SLC24A3: variants seen among roughly 807,000 people sequenced by gnomAD.
The protein encoded by SLC24A3 is solute carrier family 24 member 3.
In SLC24A3, 28 loss-of-function variants were observed where a neutral mutation model predicts 75.8. The ratio of observed to expected loss-of-function variants is 0.37; its 90% CI spans 0.27 to 0.51. The LOEUF is 0.51. Ranked by LOEUF, SLC24A3 falls within the 20% of genes least tolerant of loss-of-function variation. SLC24A3 has a pLI of 0.94. For synonymous variants in SLC24A3, 372 were observed against 334.1 expected, an observed-to-expected ratio of 1.11 and a Z score of -1.24; for missense variants, 663 against 847.8, an observed-to-expected ratio of 0.78 and a Z score of 2.71.
intron 3 of SLC24A3, among the ~76,000 whole-genome samples, chr20:19,518,493 G>A (rs1417036753): frequency 6.6e-6 from 1 of 152,252 alleles, no homozygotes; most frequent in African/African-American, 2.4e-5. Flanking sequence ...CTTGAAGAGT[G>A]CAGGCAGATT....
intron 6 of SLC24A3, among the ~76,000 whole-genome samples, chr20:19,603,778 G>A (rs1020317287): frequency 8.0e-5 from 12 of 150,736 alleles, no homozygotes; most frequent in African/African-American, 2.9e-4. Context: ...CATATTCAAA[G>A]AAAAAAAAAC....
chr20:19,556,576 GAAA>G (rs10591708), intron 3 of SLC24A3, among the ~76,000 whole-genome samples: 202 of 130,988 alleles, frequency 1.5e-3, no homozygotes, highest in African/African-American at 4.5e-3. Flanking sequence ...GCCAGTGTGT[GAAA>G]AAAAAAAAAA....
intron 2 of SLC24A3, among the ~76,000 whole-genome samples, chr20:19,281,954 C>T (rs751831512): frequency 3.3e-5 from 5 of 152,278 alleles, no homozygotes; most frequent in Non-Finnish European, 5.9e-5. Context: ...ACTTGGACCT[C>T]GAAGCTCTCT....
intron 9 of SLC24A3, among the ~76,000 whole-genome samples, chr20:19,675,918 C>T (rs2122731792): frequency 1.3e-5 from 2 of 152,230 alleles, no homozygotes; most frequent in East Asian, 3.9e-4. Flanking sequence ...CACACATCTT[C>T]CTTTGCTGTT....
intron 2 of SLC24A3, among the ~76,000 whole-genome samples, chr20:19,342,492 A>G (rs1260970655): frequency 6.6e-6 from 1 of 152,250 alleles, no homozygotes; most frequent in African/African-American, 2.4e-5. Context: ...TACAGCAATC[A>G]TACATTGGAA....
chr20:19,626,687 C>T (rs1462580875), intron 6 of SLC24A3, among the ~76,000 whole-genome samples: 1 of 152,182 alleles, frequency 6.6e-6, no homozygotes, highest in Non-Finnish European at 1.5e-5. Context: ...TAAAATAACT[C>T]TAGTGGCTTT....
intron 2 of SLC24A3, among the ~76,000 whole-genome samples, chr20:19,310,836 G>C (rs1984439831): frequency 1.3e-5 from 2 of 152,130 alleles, no homozygotes; most frequent in African/African-American, 4.8e-5. Flanking sequence ...CAACTTTTGG[G>C]GGAAAGGTCT....
At chr20:19,657,674 G>A (rs1331383551) in intron 7 of SLC24A3, among the ~76,000 whole-genome samples, 1 of 152,192 alleles carries the variant, frequency 6.6e-6, no homozygotes, top group Non-Finnish European at 1.5e-5. Context: ...AACTGTCCAT[G>A]AGGAGTAAAA....
At chr20:19,401,443 G>A (rs920396250) in intron 2 of SLC24A3, among the ~76,000 whole-genome samples, 3 of 152,218 alleles carry the variant, frequency 2.0e-5, no homozygotes, top group East Asian at 3.8e-4. Flanking sequence ...GATATGTATT[G>A]GAAAGTAGTT....
At chr20:19,599,645 A>G (rs1203416870) in intron 6 of SLC24A3, among the ~76,000 whole-genome samples, 1 of 152,214 alleles carries the variant, frequency 6.6e-6, no homozygotes, top group Non-Finnish European at 1.5e-5. Flanking sequence ...ATTCCGAGCT[A>G]CGTTTATGCA....
At chr20:19,678,098 T>C (rs1360911987) in intron 9 of SLC24A3, among the ~76,000 whole-genome samples, 2 of 150,734 alleles carry the variant, frequency 1.3e-5, no homozygotes, top group Non-Finnish European at 3.0e-5. Flanking sequence ...AAGTCTCCCA[T>C]GTCTACTTCT....
At chr20:19,531,072 T>C (rs2030289240) in intron 3 of SLC24A3, among the ~76,000 whole-genome samples, 3 of 151,844 alleles carry the variant, frequency 2.0e-5, no homozygotes, top group Admixed American at 6.5e-5. Flanking sequence ...AGCCTATCCG[T>C]GTGCTGTAGT....
intron 2 of SLC24A3, among the ~76,000 whole-genome samples, chr20:19,443,804 C>T (rs1179169842): frequency 3.9e-5 from 6 of 152,108 alleles, no homozygotes; most frequent in Non-Finnish European, 8.8e-5. Flanking sequence ...ACTGTTAAAC[C>T]CTCCCCATAA....
At chr20:19,549,314 G>A (rs1051673843) in intron 3 of SLC24A3, among the ~76,000 whole-genome samples, 6 of 152,120 alleles carry the variant, frequency 3.9e-5, no homozygotes, top group African/African-American at 1.4e-4. Flanking sequence ...TGAATTTTAG[G>A]GAAACAATCC....
chr20:19,698,962 G>A (rs1012154324), intron 15 of SLC24A3, among the ~76,000 whole-genome samples: 4 of 152,202 alleles, frequency 2.6e-5, no homozygotes, highest in African/African-American at 9.7e-5. Context: ...CAGCTTTGCT[G>A]CTGTAGCAGA....
chr20:19,599,485 T>C (rs1429947756), intron 6 of SLC24A3, among the ~76,000 whole-genome samples: 2 of 152,088 alleles, frequency 1.3e-5, no homozygotes, highest in African/African-American at 4.8e-5. Context: ...ACTGCGTGTA[T>C]GATGCAGACC....
At chr20:19,291,381 A>G (rs991777731) in intron 2 of SLC24A3, among the ~76,000 whole-genome samples, 5 of 152,164 alleles carry the variant, frequency 3.3e-5, no homozygotes, top group Non-Finnish European at 5.9e-5. Flanking sequence ...TACACCAGTG[A>G]GTGCGCTTTG....
intron 2 of SLC24A3, among the ~76,000 whole-genome samples, chr20:19,501,441 TA>T (rs1243100111): frequency 6.6e-6 from 1 of 152,228 alleles, no homozygotes; most frequent in Non-Finnish European, 1.5e-5. Context: ...GAAAAGCATT[TA>T]TTAAACACCT....
At chr20:19,591,523 G>A (rs949759335) in intron 6 of SLC24A3, among the ~76,000 whole-genome samples, 1 of 150,776 alleles carries the variant, frequency 6.6e-6, no homozygotes, top group Non-Finnish European at 1.5e-5. Context: ...GAAAATAGCT[G>A]TAGCATTTTC....
Sources: gnomAD v4.1 joint callset for allele counts (sites outside exome capture counted in the v4.1 genomes callset) on GRCh38, gnomAD v4.1.1 for gene constraint, MANE v1.5 for transcripts, NCBI Gene and HGNC (gene_info 2026-07-23, HGNC 2026-07-21) for gene names.